The following UBASH3A variants were observed in gnomAD, a reference collection of about 807,000 sequenced individuals.
UBASH3A encodes ubiquitin associated and SH3 domain containing A.
In UBASH3A, 63 loss-of-function variants were observed where a neutral mutation model predicts 73.5. The observed-to-expected ratio is 0.86, with a 90% CI of 0.70 to 1.06. The LOEUF (loss-of-function observed/expected upper bound fraction) is 1.06. Among genes scored for constraint, UBASH3A ranks in the 50% least tolerant of loss-of-function variants. The pLI, the probability that UBASH3A is intolerant of heterozygous loss-of-function variation, is 0.00. For missense variants in UBASH3A, 860 were observed against 859.0 expected, an observed-to-expected ratio of 1.00 and a Z score of -0.02; for synonymous variants, 363 against 351.1, an observed-to-expected ratio of 1.03 and a Z score of -0.38.
chr21:42,444,953 G>A (rs745546641), intron 14 of UBASH3A, among the ~76,000 whole-genome samples: 1 of 152,170 alleles, frequency 6.6e-6, no homozygotes, highest in Non-Finnish European at 1.5e-5. Flanking sequence ...CAGTTTAGAT[G>A]AGGAGGGAAG....
chr21:42,404,014 G>C lies in UBASH3A; in HGVS notation c.69G>C (p.Ser23=), dbSNP rs2277799. The C allele has an allele frequency of 0.41, 617,074 of 1,519,212 alleles. 127,260 individuals carry two copies. The highest frequency in any genetic ancestry group is 0.44 in the East Asian group (17,086 of 38,588). 94.1% of individuals were successfully genotyped at this position (1,519,212 alleles called of 1,614,324 possible). The part of the protein sequence containing the change: ...SNKLKSRSSP[S]LLEPLLAMGF... Reference sequence around the variant, plus strand: ...AGCTCAAGAGCCGCAGCAGCCCCTCGCTCCTGGAGCCCCTCCTGGCCATGG... The same window carrying C: ...AGCTCAAGAGCCGCAGCAGCCCCTCCCTCCTGGAGCCCCTCCTGGCCATGG... Residue 23 remains serine (S), a synonymous_variant, in exon 1 of 15, where the codon TCG becomes TCC. Transcript: ENST00000319294.
At position 42,413,154 on chromosome 21, in the gene UBASH3A, G is replaced by C; in HGVS notation, c.485G>C (p.Ser162Thr). The stretch of plus-strand genomic sequence containing the variant: ...ATCAGCTACCTCGGCTTCTTCGTCA[G>C]TGGCAGCCCCGCAGACGTCATCCGG... The part of the protein sequence containing the change: ...SSISYLGFFV[S>T]GSPADVIREF... Residue 162 changes from serine (S) to threonine (T), a missense_variant, in exon 4 of 15, where the codon AGT (serine) becomes ACT (threonine). Ser to Thr is a moderately conservative substitution (Grantham distance 58). Transcript: ENST00000319294. This position sits in a 1 kb window ranked among gnomAD's most constrained non-coding sequence, Gnocchi z 4.5. 4.3e-6 allele frequency: 7 copies of C among 1,614,202 alleles called. No individual in the cohort carries two copies. The South Asian group carries it at 7.7e-5, about 18-fold the overall frequency.
intron 12 of UBASH3A, chr21:42,443,066 T>C: frequency 8.0e-7 from 1 of 1,245,272 alleles, no homozygotes; most frequent in Non-Finnish European, 1.0e-6. Flanking sequence ...TTTGTCATTC[T>C]CCACCCATGT....
At chr21:42,426,591 G>A in intron 7 of UBASH3A, 106 bp from the exon 8 acceptor site, 1 of 1,356,894 alleles carries the variant, frequency 7.4e-7, no homozygotes, top group East Asian at 2.3e-5. Flanking sequence ...CCTTTCTGCT[G>A]AGGTTGTCCC....
intron 5 of UBASH3A, among the ~76,000 whole-genome samples, chr21:42,415,495 G>A (rs1954882249): frequency 6.6e-6 from 1 of 152,190 alleles, no homozygotes; most frequent in Admixed American, 6.5e-5. Flanking sequence ...GGGCTCCAGG[G>A]AAAGGCTTGC....
intron 3 of UBASH3A, among the ~76,000 whole-genome samples, 200 bp downstream of exon 3, chr21:42,409,808 C>T (rs1457379699): frequency 6.6e-6 from 1 of 152,172 alleles, no homozygotes; most frequent in African/African-American, 2.4e-5. Flanking sequence ...CTTCAGAACC[C>T]AACTCATTTA....
intron 8 of UBASH3A, among the ~76,000 whole-genome samples, chr21:42,427,723 G>A (rs187639157): frequency 3.7e-4 from 56 of 152,250 alleles, no homozygotes; most frequent in Admixed American, 5.2e-4. Flanking sequence ...CCCCTGGTGC[G>A]GAGAAACTAT....
Position 42,447,082 on chromosome 21 carries a change from G to T in UBASH3A, c.1874G>T (p.Cys625Phe). ...RKIPSLGMCFCEENKEEGKWE... is the reference protein window; with the variant it reads ...RKIPSLGMCFFEENKEEGKWE... ...ATCCCTTCCCTGGGCATGTGCTTCT[G>T]TGAAGAAAATAAAGAGGAAGGAAAA... Residue 625 changes from cysteine (C) to phenylalanine (F), a missense_variant, in exon 15 of 15, where the codon TGT becomes TTT. By Grantham distance (205) the Cys-to-Phe change is radical. Transcript: ENST00000319294. 1 of 1,614,084 alleles carries T rather than the reference G, an allele frequency of 6.2e-7. No individual in the cohort carries two copies. The highest frequency in any genetic ancestry group is 1.7e-4 in the Middle Eastern group (1 of 6,060).
chr21:42,416,370 C>T (rs2053206647), intron 5 of UBASH3A, 72 bp from the exon 6 acceptor site: 4 of 1,450,662 alleles, frequency 2.8e-6, no homozygotes, highest in Non-Finnish European at 9.2e-7. Context: ...GTGGAGGAAG[C>T]ATGGAGGTCG....
chr21:42,429,690 C>A (rs753569921), intron 8 of UBASH3A, among the ~76,000 whole-genome samples: 13 of 152,208 alleles, frequency 8.5e-5, no homozygotes, highest in Non-Finnish European at 1.3e-4. Flanking sequence ...TGTAGGCAAC[C>A]TCTGCATAAC....
intron 7 of UBASH3A, among the ~76,000 whole-genome samples, chr21:42,423,742 C>A (rs887973037): frequency 6.6e-6 from 1 of 152,192 alleles, no homozygotes; most frequent in African/African-American, 2.4e-5. Context: ...CTATTCTTTC[C>A]AGAGGAACTT....
At chr21:42,444,134 G>A (rs897315102) in intron 13 of UBASH3A, among the ~76,000 whole-genome samples, 11 of 152,198 alleles carry the variant, frequency 7.2e-5, no homozygotes, top group Admixed American at 6.5e-5. Flanking sequence ...GTCTCCAGGT[G>A]TTCTTATCTA....
At position 42,413,009 on chromosome 21, in the gene UBASH3A, T is replaced by G; in HGVS notation, c.355-15T>G. The G allele has an allele frequency of 1.1e-5, 17 of 1,610,324 alleles. No homozygotes were observed. The highest frequency in any genetic ancestry group is 1.4e-5 in the Non-Finnish European group (17 of 1,176,610). ...GAGAGGTGTGGAAACACAGGCTCTGTCTCTGTCCCCTTAGTGTGAAGACCA... is the reference window on the plus strand; with the variant it reads ...GAGAGGTGTGGAAACACAGGCTCTGGCTCTGTCCCCTTAGTGTGAAGACCA... On this transcript the variant is annotated splice_polypyrimidine_tract_variant and intron_variant, in intron 3 of 14. Transcript: ENST00000319294. The surrounding 1 kb of genome is among the most constrained non-coding windows in gnomAD (Gnocchi z 4.5).
chr21:42,432,782 C>G (rs2053558155), intron 9 of UBASH3A, among the ~76,000 whole-genome samples: 1 of 152,166 alleles, frequency 6.6e-6, no homozygotes, highest in African/African-American at 2.4e-5. Context: ...AAACCATTGG[C>G]AGATGACAAT....
chr21:42,425,199 C>T (rs760126412), intron 7 of UBASH3A, among the ~76,000 whole-genome samples: 9 of 152,248 alleles, frequency 5.9e-5, no homozygotes, highest in Non-Finnish European at 1.2e-4. Context: ...AAGAGGCTCT[C>T]TTAAGTCAAA....
At chr21:42,415,169 G>A (rs1006241283) in intron 5 of UBASH3A, among the ~76,000 whole-genome samples, 4 of 152,226 alleles carry the variant, frequency 2.6e-5, no homozygotes, top group East Asian at 1.9e-4. Context: ...GCACAGGTCC[G>A]CAGAGAGAAG....
chr21:42,424,496 A>G (rs924506926), intron 7 of UBASH3A, among the ~76,000 whole-genome samples: 5 of 152,144 alleles, frequency 3.3e-5, no homozygotes, highest in African/African-American at 7.2e-5. Context: ...CGTATTCACA[A>G]ACCACAGCAG....
At chr21:42,408,018 G>T (rs537712201) in intron 2 of UBASH3A, among the ~76,000 whole-genome samples, 16 of 152,292 alleles carry the variant, frequency 1.1e-4, no homozygotes, top group African/African-American at 3.6e-4. Flanking sequence ...AGAATAATTT[G>T]AATAACAGCT....
intron 5 of UBASH3A, among the ~76,000 whole-genome samples, chr21:42,414,619 TAGAG>T (rs2053165391): frequency 6.6e-6 from 1 of 151,724 alleles, no homozygotes; most frequent in African/African-American, 2.4e-5. Flanking sequence ...CCCGTAAGGG[TAGAG>T]GCCGCACAGA....
Sources: allele counts gnomAD v4.1 joint callset (sites outside exome capture counted in the v4.1 genomes callset), GRCh38; gene constraint gnomAD v4.1.1; non-coding constraint Gnocchi (gnomAD v3.1); transcripts MANE v1.5; gene names NCBI Gene and HGNC (gene_info 2026-07-23, HGNC 2026-07-21).